The following ZNF44 variants were observed in gnomAD, a reference collection of about 807,000 sequenced individuals.
ZNF44 encodes gonadotropin inducible transcription repressor-2.
In ZNF44, 9 loss-of-function variants were observed where a neutral mutation model predicts 11.7. The ratio of observed to expected loss-of-function variants is 0.77; its 90% CI spans 0.46 to 1.35. The LOEUF (loss-of-function observed/expected upper bound fraction) is 1.35, where lower values mean the gene tolerates loss of function less well. Among genes scored for constraint, ZNF44 ranks in the 40% most tolerant of loss-of-function variants. The pLI is 0.00. For synonymous variants in ZNF44, 224 were observed against 242.7 expected (o/e 0.92, Z 0.72); for missense variants, 696 against 743.1 (o/e 0.94, Z 0.74).
At chr19:12,247,495 T>C (rs537029547), downstream of ZNF44, 5 of 1,345,036 alleles carry the variant, frequency 3.7e-6, no homozygotes, top group Admixed American at 1.0e-4. Context: ...CTGGAACTAC[T>C]GAAGGCTTTA....
At chr19:12,240,501 C>G (rs1326037452), upstream of ZNF44, among the ~76,000 whole-genome samples, 1 of 151,524 alleles carries the variant, frequency 6.6e-6, no homozygotes, top group Non-Finnish European at 1.5e-5. Flanking sequence ...TTGGAATCTC[C>G]CCTAATACCA....
chr19:12,229,657 A>T (rs1916074070), intron 3 of ZNF44, among the ~76,000 whole-genome samples: 1 of 151,618 alleles, frequency 6.6e-6, no homozygotes, highest in Non-Finnish European at 1.5e-5. Flanking sequence ...TCTGTCACCC[A>T]GGCTGGAGTG....
chr19:12,247,725 CTT>C (rs1477107114), exon 8 of ZNF44: 1 of 1,343,562 alleles, frequency 7.4e-7, no homozygotes, highest in Non-Finnish European at 9.9e-7. Context: ...CCTTTCATGT[CTT>C]TGAGCTGAGT....
intron 3 of ZNF44, among the ~76,000 whole-genome samples, chr19:12,228,316 A>C (rs1916005606): frequency 6.6e-6 from 1 of 152,198 alleles, no homozygotes; most frequent in South Asian, 2.1e-4. Flanking sequence ...ACTTTCAGTA[A>C]AGTTTACTTT....
chr19:12,274,896 T>A, intron 3 of ZNF44, 77 bp downstream of exon 3: 1 of 1,109,826 alleles, frequency 9.0e-7, no homozygotes, highest in Middle Eastern at 2.4e-4. Context: ...TTCATAATCT[T>A]TGCTTCTTTT....
chr19:12,248,335 T>G, exon 8 of ZNF44: 1 of 1,293,520 alleles, frequency 7.7e-7, no homozygotes, highest in Non-Finnish European at 1.0e-6. Flanking sequence ...CGTTGACAAC[T>G]GAAGGCTTTC....
chr19:12,288,774 GTATATATATATATATATATA>G (rs55971577), intron 1 of ZNF44, among the ~76,000 whole-genome samples: 16 of 76,816 alleles, frequency 2.1e-4, no homozygotes, highest in East Asian at 1.9e-3. Context: ...AAAAAAAAAT[GTATATATATATATATATATA>G]TATATATATA....
chr19:12,278,500 G>A (rs1967329723), intron 1 of ZNF44, among the ~76,000 whole-genome samples: 1 of 152,112 alleles, frequency 6.6e-6, no homozygotes, highest in African/African-American at 2.4e-5. Context: ...GGCACCAAGG[G>A]GGTCAGATTG....
At chr19:12,285,920 G>A (rs974755667) in intron 1 of ZNF44, among the ~76,000 whole-genome samples, 2 of 151,990 alleles carry the variant, frequency 1.3e-5, no homozygotes, top group African/African-American at 2.4e-5. Flanking sequence ...TCAGGAGGCT[G>A]AGGCAGGAGA....
chr19:12,247,994 A>G (rs1461549470), exon 8 of ZNF44: 1 of 1,339,642 alleles, frequency 7.5e-7, no homozygotes, highest in Non-Finnish European at 9.9e-7. Context: ...CAGAGTTGTG[A>G]TATACGAACA....
intron 1 of ZNF44, among the ~76,000 whole-genome samples, chr19:12,287,924 C>T (rs1201880020): frequency 6.6e-6 from 1 of 152,190 alleles, no homozygotes; most frequent in Non-Finnish European, 1.5e-5. Context: ...TGGGTGAATA[C>T]ATACTGAACC....
chr19:12,271,571 CATT>C (rs200531622), downstream of ZNF44, among the ~76,000 whole-genome samples: 368 of 152,298 alleles, frequency 2.4e-3, no homozygotes, highest in African/African-American at 8.4e-3. Flanking sequence ...CAGCAATCAT[CATT>C]GTCATAACCA....
At chr19:12,256,440 G>T (rs941439899) in intron 5 of ZNF44, among the ~76,000 whole-genome samples, 1 of 151,842 alleles carries the variant, frequency 6.6e-6, no homozygotes, top group African/African-American at 2.4e-5. Context: ...AGTGAGCCGA[G>T]ATCCACTGCA....
chr19:12,294,779 C>T lies in ZNF44; in HGVS notation c.-85G>A. 6.7e-7 allele frequency: 1 copy of T among 1,484,188 alleles called. No homozygotes were observed. The highest frequency in any genetic ancestry group is 9.0e-7 in the Non-Finnish European group (1 of 1,105,406). 91.9% of individuals were successfully genotyped at this position (1,484,188 alleles called of 1,614,324 possible). A position where few individuals can be genotyped will look rare whatever the true frequency, so the allele number is the denominator to read the frequency against. ...GCGACAAAAGCCACCACAGATGTCC[C>T]AGGGCGTCTCTCAGTGACAGAATAC... is the stretch of plus-strand genomic sequence containing the variant. On this transcript the variant is annotated 5_prime_UTR_variant, in exon 1 of 4. Transcript: ENST00000355684.
At chr19:12,250,109 C>A in intron 6 of ZNF44, 1 of 1,239,802 alleles carries the variant, frequency 8.1e-7, no homozygotes, top group Non-Finnish European at 1.0e-6. Flanking sequence ...GATTCTAGGT[C>A]CATATGTGAC....
chr19:12,251,921 C>G lies in ZNF44; in HGVS notation c.1913-1553G>C, dbSNP rs554439267. Among the ~76,000 whole-genome samples, 54 of 152,086 alleles carry G rather than the reference C, an allele frequency of 3.6e-4. No individual in the cohort carries two copies. In the South Asian group the frequency reaches 0.011, roughly 31 times the overall value. On this transcript the variant is annotated intron_variant and NMD_transcript_variant, in intron 5 of 7. Transcript: ENST00000393337. ...ACAAAATTAGCTGGGTGTGGTAGCA[C>G]ATGCCTGTAATCCCAGCTACTAGGG... is the stretch of plus-strand genomic sequence containing the variant.
chr19:12,234,682 G>A (rs1916309908), exon 2 of ZNF44: 1 of 152,230 alleles, frequency 6.6e-6, no homozygotes, highest in Non-Finnish European at 1.5e-5. Context: ...GAAGCCAGGT[G>A]CTGATGGCTT....
At chr19:12,266,821 T>A (rs148657666), downstream of ZNF44, among the ~76,000 whole-genome samples, 527 of 152,272 alleles carry the variant, frequency 3.5e-3, 3 homozygotes, top group African/African-American at 0.011. Context: ...AATGGGACTT[T>A]CTTTCTTCTT....
Position 12,253,086 on chromosome 19 carries a change from G to A in ZNF44, c.1913-2718C>T, listed in dbSNP as rs554172798. ...ATTTTTTAGTAGAGACAGGGTTTTGGTTTACGTTGGCCAGCTAGTCTCGAA... is the reference window on the plus strand; with the variant it reads ...ATTTTTTAGTAGAGACAGGGTTTTGATTTACGTTGGCCAGCTAGTCTCGAA... On this transcript the variant is annotated intron_variant and NMD_transcript_variant, in intron 5 of 7. Coordinates refer to the ZNF44 transcript ENST00000393337. Among the ~76,000 whole-genome samples, 9 of 150,692 alleles carry A rather than the reference G, an allele frequency of 6.0e-5. No individual in the cohort carries two copies. The East Asian group carries it at 1.8e-3, about 29-fold the overall frequency.
Sources: allele counts gnomAD v4.1 joint callset (sites outside exome capture counted in the v4.1 genomes callset), GRCh38; gene constraint gnomAD v4.1.1; transcripts MANE v1.5; gene names NCBI Gene and HGNC (gene_info 2026-07-23, HGNC 2026-07-21).